Variants in NCS1 observed in about 807,000 individuals in gnomAD.
NCS1 encodes neuronal calcium sensor 1.
NCS1 carries 6 observed loss-of-function variants against 28.4 expected under a neutral mutation model. The observed-to-expected ratio is 0.21, with a 90% confidence interval of 0.12 to 0.42. The LOEUF is 0.42. Among genes scored for constraint, NCS1 ranks in the 10% least tolerant of loss-of-function variants. NCS1 has a pLI of 1.00. For missense variants in NCS1, 131 were observed against 241.4 expected (o/e 0.54, Z 3.03); for synonymous variants, 86 against 99.3 (o/e 0.87, Z 0.79).
intron 2 of NCS1, among the ~76,000 whole-genome samples, chr9:130,203,658 C>G (rs1832987604): frequency 6.6e-6 from 1 of 152,114 alleles, no homozygotes; most frequent in African/African-American, 2.4e-5. Flanking sequence ...GAGGGGACAC[C>G]AGGAGCTGTC....
At chr9:130,190,013 A>T in intron 1 of NCS1, among the ~76,000 whole-genome samples, 1 of 125,272 alleles carries the variant, frequency 8.0e-6, no homozygotes. Flanking sequence ...GCCAGGGGGT[A>T]GTTCTTGTAT....
At chr9:130,190,705 T>C (rs142749541) in intron 1 of NCS1, among the ~76,000 whole-genome samples, 186 of 152,322 alleles carry the variant, frequency 1.2e-3, no homozygotes, top group Admixed American at 3.8e-3. Flanking sequence ...TTGGGGATGA[T>C]ATCTCCCAGC....
At chr9:130,217,013 C>T (rs1329899038) in intron 2 of NCS1, among the ~76,000 whole-genome samples, 3 of 152,160 alleles carry the variant, frequency 2.0e-5, no homozygotes, top group Admixed American at 6.5e-5. Context: ...ATCACACTCT[C>T]GACTCATTTT....
At chr9:130,183,778 CCTTTTCTTTTCCCTTCCCTCCTT>C (rs1210978030) in intron 1 of NCS1, among the ~76,000 whole-genome samples, 12 of 149,062 alleles carry the variant, frequency 8.1e-5, no homozygotes, top group Non-Finnish European at 1.8e-4. Context: ...TTCCTTCCTT[CCTTTTCTTTTCCCTTCCCTCCTT>C]CTTTTCTTTT....
At chr9:130,230,731 A>G (rs1172786726) in intron 7 of NCS1, among the ~76,000 whole-genome samples, 1 of 151,718 alleles carries the variant, frequency 6.6e-6, no homozygotes, top group East Asian at 1.9e-4. Context: ...AAAAAGTGTA[A>G]TGTTTTGTAC....
At chr9:130,213,424 G>A (rs976358766) in intron 2 of NCS1, among the ~76,000 whole-genome samples, 3 of 146,602 alleles carry the variant, frequency 2.0e-5, no homozygotes, top group African/African-American at 5.1e-5. Context: ...ACTTACAGGC[G>A]CCCGCCACCA....
chr9:130,199,219 G>A (rs1050689061), intron 1 of NCS1, among the ~76,000 whole-genome samples: 8 of 151,934 alleles, frequency 5.3e-5, no homozygotes, highest in Admixed American at 3.9e-4. Context: ...TCAGCCTCTA[G>A]AGTAGCTGGG....
In NCS1 at chr9:130,215,920, C is replaced by T. The variant is rs879986251; in HGVS notation, c.90-1912C>T. Among the ~76,000 whole-genome samples the T allele has an allele frequency of 2.6e-5, 4 of 152,062 alleles. No homozygotes were observed. Among genetic ancestry groups the T allele is most frequent in the Non-Finnish European group, 5.9e-5 (4 of 68,002 alleles). On this transcript the variant is annotated intron_variant, in intron 2 of 7. Transcript: ENST00000372398. This position sits in a 1 kb window ranked among gnomAD's most constrained non-coding sequence, Gnocchi z 4.2. ...ACTGCCCTCCCTCCCACATCCTGCT[C>T]CCTCTTCTCTGCCCTCCCCCATCCT...
chr9:130,226,479 C>T lies in NCS1; in HGVS notation c.565C>T (p.Leu189=). 1 of 1,613,242 alleles carries T rather than the reference C, an allele frequency of 6.2e-7. No homozygotes were observed. The highest frequency in any genetic ancestry group is 8.5e-7 in the Non-Finnish European group (1 of 1,179,566). ...GCAGGCGCTGTCCCTCTACGACGGG[C>T]TGGTATAGTCCCAGGCTGGAGCTGG... ...IVQALSLYDG[L]V is the part of the protein sequence containing the mutation. Residue 189 remains leucine, a synonymous_variant, in exon 7 of 8, where the codon CTG becomes TTG. Transcript: ENST00000372398. The surrounding 1 kb of genome is among the most constrained non-coding windows in gnomAD (Gnocchi z 4.8).
chr9:130,217,475 A>G (rs1197254409), intron 2 of NCS1, among the ~76,000 whole-genome samples: 1 of 152,234 alleles, frequency 6.6e-6, no homozygotes, highest in Non-Finnish European at 1.5e-5. Context: ...TTGTGCAGGC[A>G]TGCGGCTTTG....
intron 1 of NCS1, among the ~76,000 whole-genome samples, chr9:130,183,346 T>C (rs1447014075): frequency 6.6e-6 from 1 of 152,050 alleles, no homozygotes; most frequent in Admixed American, 6.5e-5. Context: ...TGCAGGGCAG[T>C]TGCTGGCTTT....
Position 130,219,800 on chromosome 9 carries a change from C to A in NCS1, c.304C>A (p.Arg102=). 1.2e-6 allele frequency: 2 copies of A among 1,614,148 alleles called. No individual in the cohort carries two copies. Among genetic ancestry groups the A allele is most frequent in the Non-Finnish European group, 1.7e-6 (2 of 1,179,990 alleles). Residue 102 remains arginine, a synonymous_variant, in exon 4 of 8, where the codon CGG becomes AGG. Transcript: ENST00000372398. This position sits in a 1 kb window ranked among gnomAD's most constrained non-coding sequence, Gnocchi z 5.7. The part of the protein sequence containing the change: ...TSRGTLDEKL[R]WAFKLYDLDN... ...ACGGGGAACCCTGGATGAGAAGCTACGGTGTAAGTCCTGCCCCCTTGGCCC... is the reference window on the plus strand; with the variant it reads ...ACGGGGAACCCTGGATGAGAAGCTAAGGTGTAAGTCCTGCCCCCTTGGCCC...
chr9:130,182,044 G>A (rs1418956958), intron 1 of NCS1, among the ~76,000 whole-genome samples: 1 of 152,048 alleles, frequency 6.6e-6, no homozygotes, highest in Non-Finnish European at 1.5e-5. Context: ...GGCAGTAGGG[G>A]AGTATTGTGG....
At chr9:130,227,396 G>A (rs1256744213) in intron 7 of NCS1, among the ~76,000 whole-genome samples, 2 of 152,238 alleles carry the variant, frequency 1.3e-5, no homozygotes, top group Non-Finnish European at 2.9e-5. Context: ...ACCAGTGGAT[G>A]CCTGCTGTTG....
chr9:130,230,732 T>C (rs1450398617), intron 7 of NCS1, among the ~76,000 whole-genome samples: 2 of 151,128 alleles, frequency 1.3e-5, no homozygotes, highest in Admixed American at 1.3e-4. Context: ...AAAAGTGTAA[T>C]GTTTTGTACT....
intron 2 of NCS1, among the ~76,000 whole-genome samples, chr9:130,212,667 G>A (rs924486158): frequency 1.3e-5 from 2 of 151,558 alleles, no homozygotes; most frequent in Non-Finnish European, 2.9e-5. Flanking sequence ...AGAGAGGGAG[G>A]GACTGGCAGG....
chr9:130,222,605 C>T (rs368295682), intron 4 of NCS1, 45 bp from the exon 5 acceptor site: 1 of 1,575,464 alleles, frequency 6.3e-7, no homozygotes, highest in Non-Finnish European at 8.7e-7. Context: ...GACCCCTCCC[C>T]ACTGCCCCAG....
chr9:130,175,415 C>A lies in NCS1; in HGVS notation c.64+2688C>A, dbSNP rs1180434795. ...TGGTTGATTAATAAACATGAAGGTACCTGGGCTGCCCTCCCGGATTTCCGA... is the reference window on the plus strand; with the variant it reads ...TGGTTGATTAATAAACATGAAGGTAACTGGGCTGCCCTCCCGGATTTCCGA... On this transcript the variant is annotated intron_variant, in intron 1 of 7. Transcript: ENST00000372398. This position sits in a 1 kb window ranked among gnomAD's most constrained non-coding sequence, Gnocchi z 4.9. 6.6e-6 allele frequency among the ~76,000 whole-genome samples: 1 copy of A among 152,158 alleles called. No individual in the cohort carries two copies. Among genetic ancestry groups the A allele is most frequent in the South Asian group, 2.1e-4 (1 of 4,826 alleles).
At chr9:130,217,704 C>T (rs1168404634) in intron 2 of NCS1, 128 bp from the exon 3 acceptor site, 2 of 1,376,420 alleles carry the variant, frequency 1.5e-6, no homozygotes, top group Non-Finnish European at 2.1e-6. Flanking sequence ...AAGTCCATGG[C>T]CCCATGGGGC....
Sources: allele counts gnomAD v4.1 joint callset (sites outside exome capture counted in the v4.1 genomes callset), GRCh38; gene constraint gnomAD v4.1.1; non-coding constraint Gnocchi (gnomAD v3.1); transcripts MANE v1.5; gene names NCBI Gene and HGNC (gene_info 2026-07-23, HGNC 2026-07-21).